NXPE2: variants seen among roughly 807,000 people sequenced by gnomAD.
NXPE2 encodes the protein neurexophilin and PC-esterase domain family member 2, also known as NXPE family member 2.
NXPE2 carries 34 observed loss-of-function variants against 34.4 expected under a neutral mutation model. That is an observed-to-expected ratio of 0.99 (90% CI 0.75 to 1.31). The LOEUF is 1.31. Ranked by LOEUF, NXPE2 falls within the 40% of genes most tolerant of loss-of-function variation. The pLI, the probability that NXPE2 is intolerant of heterozygous loss-of-function variation, is 0.00. For missense variants in NXPE2, 649 were observed against 672.5 expected, an observed-to-expected ratio of 0.97 and a Z score of 0.39; for synonymous variants, 235 against 231.3, an observed-to-expected ratio of 1.02 and a Z score of -0.15.
chr11:114,757,114 G>A, the NXPE2 span, among the ~76,000 whole-genome samples: 1 of 152,184 alleles, frequency 6.6e-6, no homozygotes, highest in Middle Eastern at 3.4e-3. Context: ...ATCAATTGGT[G>A]TTGGCATGCA....
chr11:114,511,940 C>T, the NXPE2 span, among the ~76,000 whole-genome samples: 1 of 152,192 alleles, frequency 6.6e-6, no homozygotes, highest in Non-Finnish European at 1.5e-5. Context: ...CCTGTGAGAC[C>T]ATGAGCCAAT....
At chr11:114,617,875 C>G in the NXPE2 span, among the ~76,000 whole-genome samples, 1 of 152,048 alleles carries the variant, frequency 6.6e-6, no homozygotes, top group Non-Finnish European at 1.5e-5. Flanking sequence ...CATGGGTAAC[C>G]ACTCTTACCT....
chr11:114,765,497 C>A, the NXPE2 span, among the ~76,000 whole-genome samples: 2 of 152,210 alleles, frequency 1.3e-5, no homozygotes, highest in South Asian at 2.1e-4. Context: ...ATAAACATAA[C>A]TTTTGTATAT....
the NXPE2 span, among the ~76,000 whole-genome samples, chr11:114,768,232 G>A: frequency 6.6e-6 from 1 of 152,090 alleles, no homozygotes; most frequent in Non-Finnish European, 1.5e-5. Flanking sequence ...GATATGTGGT[G>A]TTATTTCTGA....
chr11:114,589,741 C>A, the NXPE2 span, among the ~76,000 whole-genome samples: 713 of 152,224 alleles, frequency 4.7e-3, 2 homozygotes, highest in Non-Finnish European at 8.1e-3. Flanking sequence ...GAGACAATAT[C>A]CCCTAAAGCC....
chr11:114,519,978 AT>A, the NXPE2 span, among the ~76,000 whole-genome samples: 38 of 99,496 alleles, frequency 3.8e-4, no homozygotes, highest in Non-Finnish European at 5.6e-4. Flanking sequence ...TTGCCCGCTA[AT>A]TTTTTTTTGT....
chr11:114,811,400 A>G, the NXPE2 span, among the ~76,000 whole-genome samples: 8 of 152,110 alleles, frequency 5.3e-5, no homozygotes, highest in African/African-American at 1.4e-4. Flanking sequence ...CACACACAAA[A>G]AAAAGGTAGG....
intron 2 of NXPE2, among the ~76,000 whole-genome samples, chr11:114,688,667 C>T (rs1951090647): frequency 1.3e-5 from 2 of 151,948 alleles, no homozygotes; most frequent in African/African-American, 2.4e-5. Context: ...ATTGGTACCA[C>T]TCTTCTTTGT....
At chr11:114,684,228 C>A (rs1951001170) in intron 2 of NXPE2, among the ~76,000 whole-genome samples, 1 of 152,000 alleles carries the variant, frequency 6.6e-6, no homozygotes, top group Non-Finnish European at 1.5e-5. Flanking sequence ...GAGATCGAGA[C>A]CATCCTGGCT....
chr11:114,633,255 A>T, the NXPE2 span, among the ~76,000 whole-genome samples: 2 of 136,004 alleles, frequency 1.5e-5, no homozygotes, highest in South Asian at 2.2e-4. Context: ...TATATAATAT[A>T]TAAGAATGTT....
the NXPE2 span, among the ~76,000 whole-genome samples, chr11:114,623,688 C>T: frequency 0.18 from 27,363 of 152,096 alleles, 2,833 homozygotes; most frequent in Non-Finnish European, 0.22. Flanking sequence ...AGCATTGCCT[C>T]GTGGGAAAAC....
chr11:114,790,079 G>T, the NXPE2 span, among the ~76,000 whole-genome samples: 1 of 152,138 alleles, frequency 6.6e-6, no homozygotes, highest in Non-Finnish European at 1.5e-5. Context: ...AATAAGCCCT[G>T]CTGCTCCCTG....
At chr11:114,705,224 GAAT>G (rs538004584) in intron 4 of NXPE2, among the ~76,000 whole-genome samples, 2 of 152,120 alleles carry the variant, frequency 1.3e-5, no homozygotes, top group Non-Finnish European at 2.9e-5. Context: ...ATCACACTGA[GAAT>G]ATTACATTCA....
At chr11:114,487,934 A>G in the NXPE2 span, among the ~76,000 whole-genome samples, 1 of 152,138 alleles carries the variant, frequency 6.6e-6, no homozygotes, top group African/African-American at 2.4e-5. Flanking sequence ...TTTTGCATCA[A>G]TGTTTATCAG....
the NXPE2 span, among the ~76,000 whole-genome samples, chr11:114,564,767 G>A: frequency 6.6e-6 from 1 of 152,104 alleles, no homozygotes; most frequent in Admixed American, 6.5e-5. Flanking sequence ...AAGAATATAT[G>A]TTTCATATGA....
chr11:114,725,490 T>C, the NXPE2 span, among the ~76,000 whole-genome samples: 31,915 of 151,690 alleles, frequency 0.21, 3,924 homozygotes, highest in South Asian at 0.3. Context: ...ACCAGAGTCA[T>C]ATAAATAAGT....
the NXPE2 span, among the ~76,000 whole-genome samples, chr11:114,760,742 T>C: frequency 2.0e-5 from 3 of 152,176 alleles, no homozygotes; most frequent in African/African-American, 7.2e-5. Flanking sequence ...AAGAGAGCTG[T>C]TTAATAATCA....
the NXPE2 span, among the ~76,000 whole-genome samples, chr11:114,488,744 C>A: frequency 6.6e-6 from 1 of 152,068 alleles, no homozygotes; most frequent in South Asian, 2.1e-4. Flanking sequence ...TAAATGCCCA[C>A]AAGAGAAAGC....
chr11:114,682,330 A>T (rs977469702), intron 2 of NXPE2, among the ~76,000 whole-genome samples: 4 of 152,174 alleles, frequency 2.6e-5, no homozygotes, highest in African/African-American at 9.7e-5. Context: ...AAGAAAGTGA[A>T]CTTACTTTAT....
Sources: gnomAD v4.1 joint callset for allele counts (sites outside exome capture counted in the v4.1 genomes callset) on GRCh38, gnomAD v4.1.1 for gene constraint, MANE v1.5 for transcripts, NCBI Gene and HGNC (gene_info 2026-07-23, HGNC 2026-07-21) for gene names.